The following GRK5 variants were observed in gnomAD, a reference collection of about 807,000 sequenced individuals.
The protein encoded by GRK5 is g protein-coupled receptor kinase GRK5.
GRK5 carries 40 observed loss-of-function variants against 78.4 expected under a neutral mutation model. The ratio of observed to expected loss-of-function variants is 0.51; its 90% CI spans 0.40 to 0.66. The LOEUF (loss-of-function observed/expected upper bound fraction) is 0.66. GRK5 is among the 30% of genes least tolerant of loss of function. The pLI is 0.00. For missense variants in GRK5, 598 were observed against 759.9 expected (o/e 0.79, Z 2.50); for synonymous variants, 289 against 296.8 (o/e 0.97, Z 0.27).
At chr10:119,309,075 G>A (rs935324660) in intron 1 of GRK5, among the ~76,000 whole-genome samples, 11 of 152,194 alleles carry the variant, frequency 7.2e-5, no homozygotes, top group Admixed American at 5.2e-4. Context: ...GGCCACCTTC[G>A]GAGTTCTTGC....
In GRK5 at chr10:119,349,465, C is replaced by T. The variant is rs191814433; in HGVS notation, c.148+22854C>T. Among the ~76,000 whole-genome samples the T allele has an allele frequency of 6.6e-5, 10 of 152,312 alleles. No individual in the cohort carries two copies. The East Asian group carries it at 1.2e-3, about 18-fold the overall frequency. On this transcript the variant is annotated intron_variant, in intron 2 of 15. Coordinates refer to ENST00000392870, the MANE Select transcript of GRK5 (RefSeq NM_005308.3). ...TTAGATGTCCTTGGGCAAGCCCTCA[C>T]GCCTTTGGAGGCAGTTACCCGCCTG... is the stretch of plus-strand genomic sequence containing the variant.
intron 13 of GRK5, among the ~76,000 whole-genome samples, chr10:119,449,861 G>A (rs1012086514): frequency 4.6e-5 from 7 of 152,202 alleles, no homozygotes; most frequent in African/African-American, 1.7e-4. Flanking sequence ...GCAGGGGGAG[G>A]ATGGTAATCA....
chr10:119,215,320 C>T (rs991532488), intron 1 of GRK5, among the ~76,000 whole-genome samples: 2 of 152,066 alleles, frequency 1.3e-5, no homozygotes, highest in African/African-American at 4.8e-5. Context: ...GACAGAGCTT[C>T]TCTAGAGGAT....
chr10:119,259,154 T>C (rs940956488), intron 1 of GRK5, among the ~76,000 whole-genome samples: 1 of 150,216 alleles, frequency 6.7e-6, no homozygotes, highest in Non-Finnish European at 1.5e-5. Flanking sequence ...AAGCTCCGTC[T>C]CCCAGGTTCA....
chr10:119,254,853 G>A (rs1849255333), intron 1 of GRK5, among the ~76,000 whole-genome samples: 1 of 152,038 alleles, frequency 6.6e-6, no homozygotes, highest in East Asian at 1.9e-4. Flanking sequence ...TCAGGAGTTC[G>A]AGACCAGCCT....
At chr10:119,213,194 A>G (rs1291849727) in intron 1 of GRK5, 1 of 152,254 alleles carries the variant, frequency 6.6e-6, no homozygotes, top group Non-Finnish European at 1.5e-5. Flanking sequence ...ATTGAAGACA[A>G]GGGGATGAAG....
chr10:119,239,060 A>C (rs1476049552), intron 1 of GRK5, among the ~76,000 whole-genome samples: 1 of 152,086 alleles, frequency 6.6e-6, no homozygotes, highest in Non-Finnish European at 1.5e-5. Flanking sequence ...CTGGAAAGAG[A>C]GAAAGGAGGT....
At chr10:119,257,789 G>A (rs1021292909) in intron 1 of GRK5, among the ~76,000 whole-genome samples, 6 of 152,162 alleles carry the variant, frequency 3.9e-5, no homozygotes, top group Non-Finnish European at 7.4e-5. Flanking sequence ...GTGAAAAGGC[G>A]CTGTGGATGG....
At chr10:119,275,613 G>GCGCACACACACACACACACACACACACA (rs1195537574) in intron 1 of GRK5, among the ~76,000 whole-genome samples, 16 of 120,674 alleles carry the variant, frequency 1.3e-4, no homozygotes, top group African/African-American at 4.4e-4. Flanking sequence ...TCTCTCTCTC[G>GCGCACACACACACACACACACACACACA]CACACACACA....
intron 1 of GRK5, among the ~76,000 whole-genome samples, chr10:119,226,411 A>G (rs559074728): frequency 6.7e-6 from 1 of 149,318 alleles, no homozygotes; most frequent in Admixed American, 6.7e-5. Flanking sequence ...TCCCAGGTTC[A>G]AGCGTGCTGA....
At chr10:119,439,356 C>T (rs369827291) in intron 9 of GRK5, among the ~76,000 whole-genome samples, 2 of 152,372 alleles carry the variant, frequency 1.3e-5, no homozygotes, top group East Asian at 3.9e-4. Flanking sequence ...TTGCACAGCT[C>T]CCTTCATTCC....
In GRK5 at chr10:119,207,886, C is replaced by T. The variant is rs1564848019; in HGVS notation, c.-32C>T. 18 of 1,581,294 alleles carry T rather than the reference C, an allele frequency of 1.1e-5. No individual in the cohort carries two copies. The highest frequency in any genetic ancestry group is 1.5e-5 in the Non-Finnish European group (17 of 1,166,166). ...GCACCCCAGGCGCTGACAGCCCCGC[C>T]GGCCGGCTCCGTTGCTGACCGCCGA... is the stretch of plus-strand genomic sequence containing the variant. On this transcript the variant is annotated 5_prime_UTR_variant, in exon 1 of 16. Coordinates refer to ENST00000392870, the MANE Select transcript of GRK5 (RefSeq NM_005308.3).
intron 4 of GRK5, among the ~76,000 whole-genome samples, chr10:119,418,849 C>G (rs964272362): frequency 6.6e-6 from 1 of 152,190 alleles, no homozygotes; most frequent in Non-Finnish European, 1.5e-5. Context: ...ACCACCAAGA[C>G]CCCTTCCAAC....
chr10:119,416,590 T>TC (rs1491101855), intron 4 of GRK5, among the ~76,000 whole-genome samples: 6 of 354 alleles, frequency 0.017, no homozygotes, highest in South Asian at 0.17. Context: ...TCTCTCTCTC[T>TC]TTTTTTTTTT....
chr10:119,355,030 T>C (rs755924617), intron 2 of GRK5, among the ~76,000 whole-genome samples: 8 of 152,232 alleles, frequency 5.3e-5, no homozygotes, highest in Non-Finnish European at 1.2e-4. Context: ...AATTCTCCTG[T>C]ATACTTTAAA....
At chr10:119,369,280 G>A (rs1851505333) in intron 2 of GRK5, among the ~76,000 whole-genome samples, 1 of 152,188 alleles carries the variant, frequency 6.6e-6, no homozygotes, top group African/African-American at 2.4e-5. Context: ...CCTTCTAAGT[G>A]GATGGTGTCC....
At chr10:119,387,839 C>T (rs1482930386) in intron 3 of GRK5, among the ~76,000 whole-genome samples, 1 of 152,190 alleles carries the variant, frequency 6.6e-6, no homozygotes, top group Non-Finnish European at 1.5e-5. Context: ...GGGGTGGCTC[C>T]TGTGTGCCAG....
intron 1 of GRK5, among the ~76,000 whole-genome samples, chr10:119,240,448 G>A (rs778046979): frequency 7.9e-5 from 12 of 151,970 alleles, no homozygotes; most frequent in East Asian, 1.9e-4. Context: ...TGATCTGCCC[G>A]CCTCAGCCTC....
intron 3 of GRK5, among the ~76,000 whole-genome samples, chr10:119,390,696 A>G (rs1198653595): frequency 1.3e-5 from 2 of 152,160 alleles, no homozygotes; most frequent in Non-Finnish European, 2.9e-5. Flanking sequence ...CTCCATCTCA[A>G]AATCTCAAAA....
Sources: allele counts gnomAD v4.1 joint callset (sites outside exome capture counted in the v4.1 genomes callset), GRCh38; gene constraint gnomAD v4.1.1; transcripts MANE v1.5; gene names NCBI Gene and HGNC (gene_info 2026-07-23, HGNC 2026-07-21).